The following ROBO1 variants were observed in gnomAD, a reference collection of about 807,000 sequenced individuals.
ROBO1 encodes roundabout homolog 1.
Under a neutral mutation model 195.9 loss-of-function variants are expected in ROBO1, and 149 were observed. That is an observed-to-expected ratio of 0.76 (90% confidence interval 0.67 to 0.87). The LOEUF (loss-of-function observed/expected upper bound fraction) is 0.87, where lower values mean the gene tolerates loss of function less well. Ranked by LOEUF, ROBO1 falls within the 40% of genes least tolerant of loss-of-function variation. ROBO1 has a pLI of 0.00. For missense variants in ROBO1, 1,933 were observed against 2,068.3 expected, an observed-to-expected ratio of 0.93 and a Z score of 1.27; for synonymous variants, 816 against 733.2, an observed-to-expected ratio of 1.11 and a Z score of -1.82.
intron 2 of ROBO1, among the ~76,000 whole-genome samples, chr3:79,269,727 G>A (rs2030345739): frequency 6.6e-6 from 1 of 151,786 alleles, no homozygotes; most frequent in East Asian, 1.9e-4. Flanking sequence ...CAAAATTTGA[G>A]ACTGTTCTTC....
At chr3:78,763,025 C>T in intron 4 of ROBO1, among the ~76,000 whole-genome samples, 1 of 152,046 alleles carries the variant, frequency 6.6e-6, no homozygotes, top group East Asian at 1.9e-4. Context: ...GAGACAAGCA[C>T]TTATTTTATT....
intron 2 of ROBO1, among the ~76,000 whole-genome samples, chr3:79,317,237 A>C (rs2033775831): frequency 6.6e-6 from 1 of 152,106 alleles, no homozygotes; most frequent in African/African-American, 2.4e-5. Flanking sequence ...ACCAAAAAAT[A>C]TTATTTCTAT....
chr3:78,778,560 C>G (rs1452718025), intron 4 of ROBO1, among the ~76,000 whole-genome samples: 1 of 152,074 alleles, frequency 6.6e-6, no homozygotes, highest in East Asian at 1.9e-4. Flanking sequence ...ATACAACTTA[C>G]AAGGGACATG....
intron 2 of ROBO1, among the ~76,000 whole-genome samples, chr3:79,335,033 C>T (rs1312299639): frequency 6.6e-6 from 1 of 152,106 alleles, no homozygotes; most frequent in African/African-American, 2.4e-5. Flanking sequence ...AGGAGAATTG[C>T]TTGAACCTGG....
intron 2 of ROBO1, among the ~76,000 whole-genome samples, chr3:79,580,481 CAATA>C (rs892892685): frequency 3.3e-5 from 5 of 151,506 alleles, no homozygotes; most frequent in African/African-American, 1.2e-4. Flanking sequence ...GACTCTGTGT[CAATA>C]AATAAATAAA....
At chr3:78,668,344 A>G (rs780859103) in intron 12 of ROBO1, 42 bp from the exon 13 acceptor site, 2 of 1,608,594 alleles carry the variant, frequency 1.2e-6, no homozygotes, top group Admixed American at 1.7e-5. Context: ...ATGTTTACAC[A>G]TACACAGATA....
In ROBO1 at chr3:78,704,627, C is replaced by T. The variant is rs76381164; in HGVS notation, c.1045+9770G>A. ...ACACACACACACAGACACACACACA[C>T]GAGTCTGGACAACATAGTGAGACCT... On this transcript the variant is annotated intron_variant, in intron 8 of 30. Coordinates refer to ENST00000464233, the MANE Select transcript of ROBO1 (RefSeq NM_002941.4). 4.4e-4 allele frequency among the ~76,000 whole-genome samples: 61 copies of T among 139,904 alleles called. 1 individual carries two copies. The highest frequency in any genetic ancestry group is 6.8e-4 in the Non-Finnish European group (45 of 66,292). The allele number at this position is 139,904 out of a possible 152,430, so 91.8% of individuals were successfully genotyped here. A position where few individuals can be genotyped will look rare whatever the true frequency, so the allele number is the denominator to read the frequency against.
chr3:79,060,312 C>G (rs968766888), intron 3 of ROBO1, among the ~76,000 whole-genome samples: 2 of 151,908 alleles, frequency 1.3e-5, no homozygotes, highest in African/African-American at 4.8e-5. Context: ...TGATCTCACT[C>G]TGCTTTTCTG....
chr3:78,712,458 G>A (rs2081786876), intron 8 of ROBO1, among the ~76,000 whole-genome samples: 1 of 151,894 alleles, frequency 6.6e-6, no homozygotes, highest in Admixed American at 6.6e-5. Context: ...ATCTTCTCAG[G>A]TTTCCTTTGA....
intron 5 of ROBO1, among the ~76,000 whole-genome samples, chr3:78,734,897 A>C (rs185274592): frequency 2.0e-4 from 31 of 152,258 alleles, no homozygotes; most frequent in Non-Finnish European, 3.4e-4. Flanking sequence ...CTGCACCCCG[A>C]CTATGGTCCT....
At chr3:79,573,802 T>C (rs1157892611) in intron 2 of ROBO1, among the ~76,000 whole-genome samples, 1 of 152,106 alleles carries the variant, frequency 6.6e-6, no homozygotes, top group East Asian at 1.9e-4. Context: ...TGCCAAAATG[T>C]CTCCTTTGAT....
intron 2 of ROBO1, among the ~76,000 whole-genome samples, chr3:79,510,329 C>T (rs1940637041): frequency 6.6e-6 from 1 of 152,150 alleles, no homozygotes; most frequent in Non-Finnish European, 1.5e-5. Flanking sequence ...CCATTCTCTC[C>T]ATGAAGAGGT....
chr3:79,083,281 A>G (rs188195032), intron 3 of ROBO1, among the ~76,000 whole-genome samples: 89 of 152,294 alleles, frequency 5.8e-4, no homozygotes, highest in African/African-American at 2.1e-3. Flanking sequence ...AGGGTTTCAG[A>G]TATCTAGCTC....
chr3:79,413,450 A>T (rs376538584), intron 2 of ROBO1, among the ~76,000 whole-genome samples: 1 of 152,002 alleles, frequency 6.6e-6, no homozygotes, highest in East Asian at 1.9e-4. Context: ...ATAAGGCAAG[A>T]GGGATAGGAG....
intron 5 of ROBO1, among the ~76,000 whole-genome samples, chr3:78,730,557 G>A (rs2082263205): frequency 1.6e-5 from 1 of 64,420 alleles, no homozygotes; most frequent in Non-Finnish European, 5.6e-5. Flanking sequence ...CACATTCTGT[G>A]GTATTTTAAT....
chr3:79,582,544 C>G (rs891459910), intron 2 of ROBO1, among the ~76,000 whole-genome samples: 1 of 151,884 alleles, frequency 6.6e-6, no homozygotes, highest in Non-Finnish European at 1.5e-5. Flanking sequence ...GAGAAACTTG[C>G]AACAGTCAGT....
intron 2 of ROBO1, among the ~76,000 whole-genome samples, chr3:79,571,025 A>T (rs1481154288): frequency 6.6e-6 from 1 of 152,166 alleles, no homozygotes; most frequent in Non-Finnish European, 1.5e-5. Flanking sequence ...ACAGTTCCAC[A>T]AGCTGAGTGG....
At chr3:78,630,304 C>T (rs983680164) in intron 25 of ROBO1, among the ~76,000 whole-genome samples, 2 of 152,126 alleles carry the variant, frequency 1.3e-5, no homozygotes, top group African/African-American at 2.4e-5. Flanking sequence ...AATTTTAAAA[C>T]ACATAAATAT....
rs569586985 is a variant in ROBO1 at position 79,119,853 on chromosome 3, C to A, written c.172+5603G>T. ...TGACATGATCTCAGCTCACTACAAC[C>A]TCTACCTCCTGGGTTCCAGTGATTC... is the stretch of plus-strand genomic sequence containing the variant. On this transcript the variant is annotated intron_variant, in intron 3 of 30. Coordinates refer to ENST00000464233, the MANE Select transcript of ROBO1 (RefSeq NM_002941.4). 7.2e-5 allele frequency among the ~76,000 whole-genome samples: 11 copies of A among 152,118 alleles called. No homozygotes were observed. The South Asian group carries it at 1.9e-3, about 26-fold the overall frequency.
Sources: gnomAD v4.1 joint callset for allele counts (sites outside exome capture counted in the v4.1 genomes callset) on GRCh38, gnomAD v4.1.1 for gene constraint, MANE v1.5 for transcripts, NCBI Gene and HGNC (gene_info 2026-07-23, HGNC 2026-07-21) for gene names.